WDR72: variants seen among roughly 807,000 people sequenced by gnomAD.
WDR72 encodes the protein WD repeat-containing protein 72.
In WDR72, 120 loss-of-function variants were observed where a neutral mutation model predicts 124.2. The observed-to-expected ratio is 0.97, with a 90% CI of 0.83 to 1.12. WDR72 has a LOEUF of 1.12. Ranked by LOEUF, WDR72 falls within the 50% of genes most tolerant of loss-of-function variation. The pLI is 0.00. For missense variants in WDR72, 1,387 were observed against 1,278.8 expected (o/e 1.08, Z -1.29); for synonymous variants, 452 against 441.7 (o/e 1.02, Z -0.29).
At position 53,517,563 on chromosome 15, in the gene WDR72, G is replaced by T; in HGVS notation, c.*136C>A. On this transcript the variant is annotated 3_prime_UTR_variant, in exon 20 of 20. Transcript: ENST00000360509. The stretch of plus-strand genomic sequence containing the variant: ...TATTAAAATCACTTTAATACATGTT[G>T]GCTAAAGTATTAGCAAATCCACTAC... 1.2e-6 allele frequency: 1 copy of T among 854,952 alleles called. No homozygotes were observed. Among genetic ancestry groups the T allele is most frequent in the Non-Finnish European group, 2.0e-6 (1 of 505,742 alleles). 53.0% of individuals were successfully genotyped at this position (854,952 alleles called of 1,614,324 possible).
At chr15:53,598,957 G>C (rs1041175132) in intron 17 of WDR72, among the ~76,000 whole-genome samples, 2 of 151,942 alleles carry the variant, frequency 1.3e-5, no homozygotes, top group Non-Finnish European at 2.9e-5. Flanking sequence ...AACCCCGTCT[G>C]TACAAAAAAT....
At chr15:53,605,813 C>T (rs902082285) in intron 17 of WDR72, among the ~76,000 whole-genome samples, 3 of 152,072 alleles carry the variant, frequency 2.0e-5, no homozygotes, top group Non-Finnish European at 2.9e-5. Flanking sequence ...CGAGATCATG[C>T]CACTGCACTC....
At chr15:53,543,821 G>A (rs372388657) in intron 18 of WDR72, among the ~76,000 whole-genome samples, 14 of 152,208 alleles carry the variant, frequency 9.2e-5, no homozygotes, top group South Asian at 6.2e-4. Context: ...TGTCACCACC[G>A]ATCCCACAGA....
Position 53,514,017 on chromosome 15 carries a change from C to G in WDR72, c.*3682G>C, listed in dbSNP as rs1269031287. ...TGCCATCTGTAGGCTCCTTCTTGAG[C>G]AAACTACAGTGCGAGGTGATCTGGG... On this transcript the variant is annotated 3_prime_UTR_variant, in exon 20 of 20. Coordinates refer to ENST00000360509, the MANE Select transcript of WDR72 (RefSeq NM_182758.4). 2.0e-5 allele frequency: 3 copies of G among 152,158 alleles called. No individual in the cohort carries two copies. Among genetic ancestry groups the G allele is most frequent in the African/African-American group, 7.2e-5 (3 of 41,438 alleles). 9.4% of individuals were successfully genotyped at this position (152,158 alleles called of 1,614,324 possible). A position where few individuals can be genotyped will look rare whatever the true frequency, so the allele number is the denominator to read the frequency against.
At position 53,706,525 on chromosome 15, in the gene WDR72, G is replaced by C. The variant is rs183934315; in HGVS notation, c.955-451C>G. ...CAAGAAAACTTGGAATGAAGAGATT[G>C]ATTTGTCTAAGGCGATTAGAAGAAG... On this transcript the variant is annotated intron_variant, in intron 9 of 19. Transcript: ENST00000360509. Among the ~76,000 whole-genome samples the C allele has an allele frequency of 4.8e-4, 72 of 151,414 alleles. 1 individual carries two copies. In the East Asian group the frequency reaches 7.2e-3, roughly 15 times the overall value.
chr15:53,681,444 G>A (rs936849500), intron 13 of WDR72, among the ~76,000 whole-genome samples: 1 of 152,084 alleles, frequency 6.6e-6, no homozygotes, highest in Non-Finnish European at 1.5e-5. Context: ...ACTGTTGTAG[G>A]TGAAGCCCCC....
At chr15:53,720,229 C>T (rs1001503690) in intron 3 of WDR72, among the ~76,000 whole-genome samples, 1 of 152,048 alleles carries the variant, frequency 6.6e-6, no homozygotes, top group Non-Finnish European at 1.5e-5. Context: ...GAAACGTAAA[C>T]ATATAAATAT....
intron 13 of WDR72, among the ~76,000 whole-genome samples, chr15:53,689,002 G>A (rs1299071871): frequency 6.6e-6 from 1 of 152,190 alleles, no homozygotes; most frequent in African/African-American, 2.4e-5. Flanking sequence ...TGGGAAAATT[G>A]GCTAGCCATA....
chr15:53,525,013 G>C (rs1325274653), intron 18 of WDR72, among the ~76,000 whole-genome samples: 5 of 152,090 alleles, frequency 3.3e-5, no homozygotes, highest in Non-Finnish European at 7.4e-5. Flanking sequence ...AGGCCAACTT[G>C]AGACCAAGGA....
intron 18 of WDR72, among the ~76,000 whole-genome samples, chr15:53,525,105 C>A (rs1470724319): frequency 6.6e-6 from 1 of 151,966 alleles, no homozygotes; most frequent in Non-Finnish European, 1.5e-5. Context: ...ATTGATGCAG[C>A]TGAGTTTAAT....
At chr15:53,761,944 G>T (rs1329348771), upstream of WDR72, among the ~76,000 whole-genome samples, 1 of 152,106 alleles carries the variant, frequency 6.6e-6, no homozygotes, top group African/African-American at 2.4e-5. Context: ...CAGCATCCTA[G>T]CCTGTTGTGA....
chr15:53,655,612 C>G (rs1381820215), intron 14 of WDR72, among the ~76,000 whole-genome samples: 2 of 151,996 alleles, frequency 1.3e-5, no homozygotes, highest in Admixed American at 1.3e-4. Flanking sequence ...ACCAGAGAAT[C>G]AATGGAGAAG....
In WDR72 at chr15:53,665,173, T is replaced by C. The variant is rs949676718; in HGVS notation, c.1962+399A>G. Among the ~76,000 whole-genome samples, 13 of 151,842 alleles carry C rather than the reference T, an allele frequency of 8.6e-5. 1 individual carries two copies. Among genetic ancestry groups the C allele is most frequent in the Admixed American group, 6.5e-4 (10 of 15,270 alleles). On this transcript the variant is annotated intron_variant, in intron 14 of 19. Transcript: ENST00000360509. Reference sequence around the variant, plus strand: ...GATATTGGTTATATCAAAAGAATTATCCATACTGTGATCTAGTTTTTCTGA... The same window carrying C: ...GATATTGGTTATATCAAAAGAATTACCCATACTGTGATCTAGTTTTTCTGA...
In WDR72 at chr15:53,723,043, T is replaced by C. The variant is rs1486105036; in HGVS notation, c.154-135A>G. Reference sequence around the variant, plus strand: ...TATACAAGTTTTAAGAAAACTGATATATGTAATAACAACATCCACAGAGTA... The same window carrying C: ...TATACAAGTTTTAAGAAAACTGATACATGTAATAACAACATCCACAGAGTA... On this transcript the variant is annotated intron_variant, in intron 2 of 19. Coordinates refer to ENST00000360509, the MANE Select transcript of WDR72 (RefSeq NM_182758.4). 4.2e-5 allele frequency: 33 copies of C among 777,460 alleles called. No homozygotes were observed. In the East Asian group the frequency reaches 7.0e-4, roughly 16 times the overall value. 48.2% of individuals were successfully genotyped at this position (777,460 alleles called of 1,614,324 possible).
chr15:53,538,908 C>A (rs892327911), intron 18 of WDR72, among the ~76,000 whole-genome samples: 4 of 152,044 alleles, frequency 2.6e-5, no homozygotes, highest in Non-Finnish European at 4.4e-5. Context: ...TGCTTTTGGT[C>A]TTTACAACAC....
At chr15:53,693,449 C>T (rs56878950) in intron 13 of WDR72, among the ~76,000 whole-genome samples, 1,857 of 152,254 alleles carry the variant, frequency 0.012, 34 homozygotes, top group African/African-American at 0.043. Flanking sequence ...AAACTCAAAT[C>T]TATACGACAA....
chr15:53,637,027 C>G (rs569199944), intron 14 of WDR72, among the ~76,000 whole-genome samples: 43 of 152,264 alleles, frequency 2.8e-4, no homozygotes, highest in Admixed American at 2.7e-3. Context: ...ATTGCCACTC[C>G]CACCATTAAC....
chr15:53,684,139 G>C (rs1244517009), intron 13 of WDR72: 1 of 152,124 alleles, frequency 6.6e-6, no homozygotes, highest in Non-Finnish European at 1.5e-5. Context: ...AGGTATAATA[G>C]ACGAACCTTT....
At chr15:53,537,510 A>G (rs1892825320) in intron 18 of WDR72, among the ~76,000 whole-genome samples, 1 of 152,126 alleles carries the variant, frequency 6.6e-6, no homozygotes, top group African/African-American at 2.4e-5. Flanking sequence ...GCTCATCTAC[A>G]AACTGGGAAA....
Sources: allele counts gnomAD v4.1 joint callset (sites outside exome capture counted in the v4.1 genomes callset), GRCh38; gene constraint gnomAD v4.1.1; transcripts MANE v1.5; gene names NCBI Gene and HGNC (gene_info 2026-07-23, HGNC 2026-07-21).